The following FZD3 variants were observed in gnomAD, a reference collection of about 807,000 sequenced individuals.
FZD3 encodes the protein frizzled class receptor 3.
FZD3 carries 30 observed loss-of-function variants against 60.7 expected under a neutral mutation model. That is an observed-to-expected ratio of 0.49 (90% CI 0.37 to 0.67). The LOEUF is 0.67. Ranked by LOEUF, FZD3 falls within the 30% of genes least tolerant of loss-of-function variation. The pLI is 0.00. For synonymous variants in FZD3, 246 were observed against 275.2 expected (o/e 0.89, Z 1.05); for missense variants, 605 against 838.7 (o/e 0.72, Z 3.44).
chr8:28,512,706 TTGGTAA>T (rs1412955509), intron 3 of FZD3, among the ~76,000 whole-genome samples: 2 of 152,110 alleles, frequency 1.3e-5, no homozygotes, highest in African/African-American at 4.8e-5. Context: ...AGGGAAGAAC[TTGGTAA>T]ATACCGCAAA....
At position 28,514,162 on chromosome 8, in the gene FZD3, A is replaced by G. The variant is rs373454656; in HGVS notation, c.190-6476A>G. Reference sequence around the variant, plus strand: ...GTATTATGGTTTAGGGAAGTACTCAATAAGAATCTTTATAATTCAGTTAGC... The same window carrying G: ...GTATTATGGTTTAGGGAAGTACTCAGTAAGAATCTTTATAATTCAGTTAGC... On this transcript the variant is annotated intron_variant, in intron 3 of 7. Transcript: ENST00000240093. Among the ~76,000 whole-genome samples, 11 of 152,292 alleles carry G rather than the reference A, an allele frequency of 7.2e-5. No homozygotes were observed. The East Asian group carries it at 7.7e-4, about 11-fold the overall frequency.
chr8:28,559,840 A>G (rs1402828894), intron 7 of FZD3, among the ~76,000 whole-genome samples: 1 of 152,194 alleles, frequency 6.6e-6, no homozygotes, highest in African/African-American at 2.4e-5. Context: ...TGGCTGTGGG[A>G]TCACACACAT....
In FZD3 at chr8:28,551,631, T is replaced by C. The variant is rs1282709458; in HGVS notation, c.1433T>C (p.Ile478Thr). The change falls in exon 6 of 8, where the codon ATT becomes ACT. Residue 478 changes from isoleucine to threonine, a missense_variant. Transcript: ENST00000240093. ...ACTCAAATGAGTCGTCCAGACTTGA[T>C]TCTCTTTCTGATGAAATACCTGATG... ...QVTQMSRPDL[I>T]LFLMKYLMAL... The C allele has an allele frequency of 1.2e-6, 2 of 1,610,734 alleles. No homozygotes were observed. Among genetic ancestry groups the C allele is most frequent in the African/African-American group, 1.3e-5 (1 of 74,966 alleles).
At chr8:28,553,049 G>A (rs1331125825) in intron 6 of FZD3, among the ~76,000 whole-genome samples, 4 of 152,130 alleles carry the variant, frequency 2.6e-5, no homozygotes, top group Admixed American at 6.5e-5. Context: ...GAGCATCCTC[G>A]AATTTTGGCA....
At position 28,527,895 on chromosome 8, in the gene FZD3, C is replaced by T. The variant is rs1804759136; in HGVS notation, c.1135C>T (p.Leu379Phe). The T allele has an allele frequency of 6.2e-7, 1 of 1,614,122 alleles. No individual in the cohort carries two copies. Among genetic ancestry groups the T allele is most frequent in the Non-Finnish European group, 8.5e-7 (1 of 1,179,990 alleles). ...DALRYFVLAP[L>F]CLYVVVGVSL... is the part of the protein sequence containing the mutation. ...ATTGAGATATTTTGTTCTTGCTCCC[C>T]TCTGCCTGTATGTGGTAGTTGGGGT... The change falls in exon 5 of 8, where the codon CTC (leucine) becomes TTC (phenylalanine). Residue 379 changes from leucine (L) to phenylalanine (F), a missense_variant. Coordinates refer to ENST00000240093, the MANE Select transcript of FZD3 (RefSeq NM_017412.4). This position sits in a 1 kb window ranked among gnomAD's most constrained non-coding sequence, Gnocchi z 5.0.
Position 28,572,631 on chromosome 8 carries a change from GTATCATT to G in FZD3, c.*9623_*9629del. 6.6e-6 allele frequency: 1 copy of G among 152,086 alleles called. No homozygotes were observed. The highest frequency in any genetic ancestry group is 1.9e-4 in the East Asian group (1 of 5,192). 9.4% of individuals were successfully genotyped at this position (152,086 alleles called of 1,614,324 possible). A position where few individuals can be genotyped will look rare whatever the true frequency, so the allele number is the denominator to read the frequency against. On this transcript the variant is annotated 3_prime_UTR_variant, in exon 8 of 8. Transcript: ENST00000240093. ...CTAATATAAAAGGGTTCATCTGTAA[GTATCATT>G]TAGAGGCAAAATAATTTCCCCCTCA...
At chr8:28,503,982 G>A (rs1046901284) in intron 3 of FZD3, among the ~76,000 whole-genome samples, 5 of 152,140 alleles carry the variant, frequency 3.3e-5, no homozygotes, top group Non-Finnish European at 5.9e-5. Context: ...AGCTTTTACC[G>A]TTAATTCATA....
At chr8:28,547,887 C>G (rs190995165) in intron 5 of FZD3, among the ~76,000 whole-genome samples, 167 of 149,958 alleles carry the variant, frequency 1.1e-3, no homozygotes, top group South Asian at 6.6e-3. Context: ...GAGCCTAGCT[C>G]TGTCACCCAG....
intron 5 of FZD3, among the ~76,000 whole-genome samples, chr8:28,531,257 G>T (rs1804867880): frequency 6.6e-6 from 1 of 152,038 alleles, no homozygotes. Flanking sequence ...TTTTAAAAAT[G>T]TATATATGTG....
At chr8:28,558,022 GTAA>G (rs1805544517) in intron 7 of FZD3, among the ~76,000 whole-genome samples, 1 of 152,194 alleles carries the variant, frequency 6.6e-6, no homozygotes, top group Non-Finnish European at 1.5e-5. Context: ...GGGAGTTAAG[GTAA>G]CAGCACATGC....
intron 5 of FZD3, among the ~76,000 whole-genome samples, chr8:28,539,090 A>G (rs991569601): frequency 1.6e-4 from 24 of 152,146 alleles, no homozygotes; most frequent in Admixed American, 1.6e-3. Flanking sequence ...GTTATACCCT[A>G]TATCAGGGAT....
intron 3 of FZD3, among the ~76,000 whole-genome samples, chr8:28,504,238 A>C (rs1406493160): frequency 6.6e-6 from 1 of 152,218 alleles, no homozygotes; most frequent in African/African-American, 2.4e-5. Context: ...ATATTTGAAA[A>C]TGCTGTAGAG....
intron 4 of FZD3, among the ~76,000 whole-genome samples, chr8:28,526,453 T>G (rs1804717435): frequency 6.6e-6 from 1 of 152,182 alleles, no homozygotes; most frequent in South Asian, 2.1e-4. Flanking sequence ...ATTATCATTT[T>G]TGTACCTTAT....
Position 28,557,393 on chromosome 8 carries a change from A to G in FZD3, c.1787+1422A>G, listed in dbSNP as rs528692696. Among the ~76,000 whole-genome samples, 135 of 151,822 alleles carry G rather than the reference A, an allele frequency of 8.9e-4. No homozygotes were observed. In the Middle Eastern group the frequency reaches 0.01, roughly 11 times the overall value. On this transcript the variant is annotated intron_variant, in intron 7 of 7. Transcript: ENST00000240093. ...CAGGATTCTGTGTTCACTTGAAAAC[A>G]TCTGTTTCCACAGCTGTTTCTATCC...
chr8:28,517,766 A>G (rs1804469619), intron 3 of FZD3, among the ~76,000 whole-genome samples: 2 of 152,090 alleles, frequency 1.3e-5, no homozygotes, highest in Admixed American at 6.6e-5. Context: ...CTTAAATTCT[A>G]ATTTTCTGAT....
chr8:28,521,221 A>G (rs1442488699), intron 4 of FZD3, among the ~76,000 whole-genome samples: 1 of 152,154 alleles, frequency 6.6e-6, no homozygotes, highest in Non-Finnish European at 1.5e-5. Context: ...GATTTATAGG[A>G]TAGTTCTGTC....
chr8:28,519,717 G>C (rs1213192334), intron 3 of FZD3, among the ~76,000 whole-genome samples: 3 of 136,220 alleles, frequency 2.2e-5, no homozygotes, highest in Non-Finnish European at 4.7e-5. Flanking sequence ...GTGACAGAGC[G>C]AGACCCTGTC....
chr8:28,507,839 A>G (rs1483225756), intron 3 of FZD3, among the ~76,000 whole-genome samples: 2 of 149,128 alleles, frequency 1.3e-5, no homozygotes, highest in African/African-American at 5.0e-5. Flanking sequence ...CACAGTGATT[A>G]TTGAGGCTCA....
intron 3 of FZD3, among the ~76,000 whole-genome samples, chr8:28,511,401 G>C (rs1011556827): frequency 2.0e-5 from 3 of 152,078 alleles, no homozygotes; most frequent in African/African-American, 7.2e-5. Context: ...CAGGATAATA[G>C]CTTGAACCGG....
Sources: allele counts gnomAD v4.1 joint callset (sites outside exome capture counted in the v4.1 genomes callset), GRCh38; gene constraint gnomAD v4.1.1; non-coding constraint Gnocchi (gnomAD v3.1); transcripts MANE v1.5; gene names NCBI Gene and HGNC (gene_info 2026-07-23, HGNC 2026-07-21).